Variants in SORCS3 observed in about 807,000 individuals in gnomAD.
SORCS3 encodes the protein VPS10 domain-containing receptor SorCS3.
In SORCS3, 57 loss-of-function variants were observed where a neutral mutation model predicts 146.3. The observed-to-expected ratio is 0.39, with a 90% CI of 0.31 to 0.49. SORCS3 has a LOEUF of 0.49. SORCS3 is among the 20% of genes least tolerant of loss of function. The pLI is 0.92. For missense variants in SORCS3, 1,341 were observed against 1,575.5 expected (o/e 0.85, Z 2.52); for synonymous variants, 653 against 618.5 (o/e 1.06, Z -0.83).
intron 19 of SORCS3, among the ~76,000 whole-genome samples, chr10:105,218,835 T>C (rs1160490039): frequency 6.6e-6 from 1 of 152,074 alleles, no homozygotes; most frequent in East Asian, 1.9e-4. Flanking sequence ...GCTAACATGG[T>C]GAAACCCGTC....
intron 17 of SORCS3, among the ~76,000 whole-genome samples, chr10:105,212,747 G>A (rs1359241502): frequency 6.6e-6 from 1 of 152,146 alleles, no homozygotes; most frequent in Admixed American, 6.5e-5. Flanking sequence ...ATGGCCAATT[G>A]AGGCTGAAAA....
At chr10:105,149,168 A>G (rs1043864811) in intron 9 of SORCS3, among the ~76,000 whole-genome samples, 1 of 152,158 alleles carries the variant, frequency 6.6e-6, no homozygotes, top group African/African-American at 2.4e-5. Flanking sequence ...CCAGTCTCAT[A>G]GTATCTTTGT....
At chr10:104,809,343 G>A (rs534017791) in intron 1 of SORCS3, among the ~76,000 whole-genome samples, 1 of 152,150 alleles carries the variant, frequency 6.6e-6, no homozygotes, top group African/African-American at 2.4e-5. Context: ...GCTCCTGGGG[G>A]TTGGCTGGCT....
intron 7 of SORCS3, among the ~76,000 whole-genome samples, chr10:105,111,618 T>C (rs2055859499): frequency 6.6e-6 from 1 of 152,234 alleles, no homozygotes; most frequent in Non-Finnish European, 1.5e-5. Context: ...ATAAAACTGC[T>C]GTCCAGGAAT....
chr10:104,651,533 T>TA (rs34352025), intron 1 of SORCS3, among the ~76,000 whole-genome samples: 55,965 of 112,128 alleles, frequency 0.5, 14,029 homozygotes, highest in Middle Eastern at 0.69. Flanking sequence ...CGGGCTCTAC[T>TA]AAAAAAAAAA....
At chr10:105,224,343 A>G (rs1368178601) in intron 20 of SORCS3, among the ~76,000 whole-genome samples, 1 of 152,162 alleles carries the variant, frequency 6.6e-6, no homozygotes, top group Admixed American at 6.6e-5. Context: ...TATAGTATGC[A>G]CTGTTTTCAT....
chr10:105,253,912 A>T (rs2056915375), intron 23 of SORCS3, among the ~76,000 whole-genome samples: 1 of 152,248 alleles, frequency 6.6e-6, no homozygotes, highest in Non-Finnish European at 1.5e-5. Context: ...CTGAAATAGC[A>T]AGTGGCATGT....
intron 3 of SORCS3, among the ~76,000 whole-genome samples, chr10:104,934,169 T>C (rs914419358): frequency 3.3e-5 from 5 of 152,148 alleles, no homozygotes; most frequent in African/African-American, 1.2e-4. Flanking sequence ...CTTCTGTCCC[T>C]AATTCCCAAA....
At chr10:105,060,949 A>G (rs1011889631) in intron 5 of SORCS3, among the ~76,000 whole-genome samples, 1 of 152,084 alleles carries the variant, frequency 6.6e-6, no homozygotes, top group Non-Finnish European at 1.5e-5. Context: ...AAACAAAAAA[A>G]AAAAACAAAC....
rs71022752 is a variant in SORCS3, at chr10:105,125,679, C to CCACACACACA, written c.1213-13697_1213-13688dup. ...ACATGCATGTTGCATCACTGAATAT[C>CCACACACACA]CACACACACACACACACACACACAC... On this transcript the variant is annotated intron_variant, in intron 7 of 26. Coordinates refer to ENST00000369701, the MANE Select transcript of SORCS3 (RefSeq NM_014978.3). Among the ~76,000 whole-genome samples the CCACACACACA allele has an allele frequency of 1.2e-3, 170 of 144,480 alleles. 2 individuals carry two copies. The highest frequency in any genetic ancestry group is 1.4e-3 in the Non-Finnish European group (93 of 66,510). 94.8% of individuals were successfully genotyped at this position (144,480 alleles called of 152,430 possible).
At chr10:105,211,371 G>A (rs1387931845) in intron 17 of SORCS3, 121 bp downstream of exon 17, 1 of 691,778 alleles carries the variant, frequency 1.4e-6, no homozygotes, top group South Asian at 1.7e-5. Context: ...TATAACAAAT[G>A]GCATTTGAAG....
chr10:104,728,656 C>G (rs1181454833), intron 1 of SORCS3, among the ~76,000 whole-genome samples: 3 of 152,194 alleles, frequency 2.0e-5, no homozygotes, highest in African/African-American at 7.2e-5. Context: ...CTTGACCTAT[C>G]AGAAATCAAA....
chr10:105,050,261 T>C (rs1225373115), intron 5 of SORCS3, among the ~76,000 whole-genome samples: 3 of 152,096 alleles, frequency 2.0e-5, no homozygotes, highest in Admixed American at 6.6e-5. Context: ...TTCTTGAGTA[T>C]AGACTGGATT....
chr10:105,130,308 A>G (rs1409058899), intron 7 of SORCS3, among the ~76,000 whole-genome samples: 1 of 152,128 alleles, frequency 6.6e-6, no homozygotes, highest in African/African-American at 2.4e-5. Flanking sequence ...AAACTGATTG[A>G]GTCCAGACCC....
At chr10:104,874,370 T>C (rs530512616) in intron 2 of SORCS3, among the ~76,000 whole-genome samples, 1 of 152,282 alleles carries the variant, frequency 6.6e-6, no homozygotes, top group South Asian at 2.1e-4. Flanking sequence ...TCATTCCAGT[T>C]GACATTACGA....
intron 14 of SORCS3, among the ~76,000 whole-genome samples, chr10:105,199,028 AG>A (rs1159498530): frequency 3.3e-5 from 5 of 152,130 alleles, no homozygotes; most frequent in African/African-American, 1.2e-4. Context: ...TCACCATAAC[AG>A]TATCTGAACT....
intron 1 of SORCS3, among the ~76,000 whole-genome samples, chr10:104,681,076 C>T (rs996429538): frequency 6.6e-6 from 1 of 152,246 alleles, no homozygotes. Flanking sequence ...CTTGCGCATG[C>T]GCTTGGGCGT....
chr10:105,038,701 T>A (rs866596776), intron 4 of SORCS3, among the ~76,000 whole-genome samples: 3 of 152,140 alleles, frequency 2.0e-5, no homozygotes, highest in African/African-American at 7.2e-5. Context: ...TTGGCATATT[T>A]CCTTCTGATA....
At chr10:104,741,294 G>A (rs954577293) in intron 1 of SORCS3, among the ~76,000 whole-genome samples, 2 of 151,868 alleles carry the variant, frequency 1.3e-5, no homozygotes, top group Non-Finnish European at 2.9e-5. Context: ...TTAATCACCA[G>A]AAGGCAATGC....
Sources: allele counts gnomAD v4.1 joint callset (sites outside exome capture counted in the v4.1 genomes callset), GRCh38; gene constraint gnomAD v4.1.1; transcripts MANE v1.5; gene names NCBI Gene and HGNC (gene_info 2026-07-23, HGNC 2026-07-21).